FAM117B: variants seen among roughly 807,000 people sequenced by gnomAD.
The protein encoded by FAM117B is protein FAM117B.
In FAM117B, 22 loss-of-function variants were observed where a neutral mutation model predicts 52.8. That is an observed-to-expected ratio of 0.42 (90% CI 0.30 to 0.59). FAM117B has a LOEUF of 0.59. FAM117B is among the 20% of genes least tolerant of loss of function. The pLI is 0.22. For synonymous variants in FAM117B, 309 were observed against 324.1 expected, an observed-to-expected ratio of 0.95 and a Z score of 0.50; for missense variants, 678 against 802.6, an observed-to-expected ratio of 0.84 and a Z score of 1.88.
At chr2:202,676,978 T>TAGA (rs1257593334) in intron 1 of FAM117B, among the ~76,000 whole-genome samples, 1 of 152,078 alleles carries the variant, frequency 6.6e-6, no homozygotes, top group Non-Finnish European at 1.5e-5. Flanking sequence ...GCAGAAAGCT[T>TAGA]AGAAGCACCC....
intron 4 of FAM117B, among the ~76,000 whole-genome samples, chr2:202,743,215 C>T (rs1013519406): frequency 1.3e-5 from 2 of 152,218 alleles, no homozygotes; most frequent in African/African-American, 4.8e-5. Context: ...TTCCTGTACC[C>T]TGCAAAGCCT....
intron 7 of FAM117B, among the ~76,000 whole-genome samples, chr2:202,761,956 C>T (rs532116107): frequency 3.3e-4 from 50 of 151,834 alleles, no homozygotes; most frequent in African/African-American, 1.1e-3. Context: ...ATTTTAATCA[C>T]GTTCCAAAGA....
chr2:202,727,883 A>G (rs186799580), intron 4 of FAM117B, among the ~76,000 whole-genome samples: 4 of 152,348 alleles, frequency 2.6e-5, no homozygotes, highest in Admixed American at 2.0e-4. Flanking sequence ...ATTGTTTGCA[A>G]TGGAAAGTAT....
intron 1 of FAM117B, among the ~76,000 whole-genome samples, chr2:202,650,541 G>C (rs1191274864): frequency 1.5e-4 from 23 of 152,138 alleles, no homozygotes; most frequent in Admixed American, 1.5e-3. Context: ...GTTTATTAAG[G>C]AGTATTGACT....
intron 4 of FAM117B, among the ~76,000 whole-genome samples, chr2:202,755,238 T>C (rs1272278104): frequency 6.6e-6 from 1 of 152,220 alleles, no homozygotes; most frequent in South Asian, 2.1e-4. Context: ...CTGAGCTCTG[T>C]TACAGTCGTA....
At chr2:202,657,582 A>G (rs1489534257) in intron 1 of FAM117B, among the ~76,000 whole-genome samples, 1 of 151,932 alleles carries the variant, frequency 6.6e-6, no homozygotes, top group Non-Finnish European at 1.5e-5. Flanking sequence ...TTGACTTCCC[A>G]GGCTCAGGTG....
At chr2:202,715,644 G>T (rs1171131793) in intron 2 of FAM117B, among the ~76,000 whole-genome samples, 1 of 152,154 alleles carries the variant, frequency 6.6e-6, no homozygotes, top group Non-Finnish European at 1.5e-5. Context: ...ATGATGGGCG[G>T]CCAGGCAGAG....
chr2:202,699,430 A>C (rs1299537385), intron 2 of FAM117B, among the ~76,000 whole-genome samples: 32 of 132,250 alleles, frequency 2.4e-4, no homozygotes, highest in South Asian at 1.0e-3. Context: ...CCATCTCAAA[A>C]AAAAAAAAAA....
At chr2:202,755,808 A>G in intron 5 of FAM117B, 127 bp downstream of exon 5, 1 of 976,430 alleles carries the variant, frequency 1.0e-6, no homozygotes, top group Non-Finnish European at 1.5e-6. Context: ...ATCTCTTTTG[A>G]AAAATCTTTG....
In FAM117B at chr2:202,635,300, C is replaced by A; in HGVS notation, c.113C>A (p.Thr38Lys). Residue 38 changes from threonine (T) to lysine (K), a missense_variant, in exon 1 of 8, where the codon ACG becomes AAG. Physicochemically the swap from Thr to Lys is moderately conservative, Grantham distance 78. Transcript: ENST00000392238. ...AGCCGCTTGCAGCCCATGAGGGCGA[C>A]GGTTCCGTTCCAGCTGAAGCAGCAG... Reference protein sequence around the residue: ...PGSRLQPMRATVPFQLKQQQQ... With the variant: ...PGSRLQPMRAKVPFQLKQQQQ... 7.0e-7 allele frequency: 1 copy of A among 1,421,250 alleles called. No homozygotes were observed. The allele number at this position is 1,421,250 out of a possible 1,614,324, so 88.0% of individuals were successfully genotyped here. A position where few individuals can be genotyped will look rare whatever the true frequency, so the allele number is the denominator to read the frequency against.
chr2:202,755,205 A>T (rs1691783516), intron 4 of FAM117B, among the ~76,000 whole-genome samples: 1 of 152,096 alleles, frequency 6.6e-6, no homozygotes, highest in South Asian at 2.1e-4. Context: ...GCACTAGGAG[A>T]GTTTAAAGTT....
chr2:202,727,009 T>C (rs187277200), intron 4 of FAM117B, among the ~76,000 whole-genome samples: 1 of 152,314 alleles, frequency 6.6e-6, no homozygotes, highest in East Asian at 1.9e-4. Context: ...TCTGCTTTGA[T>C]TTTTTAGTAG....
chr2:202,708,859 C>G (rs980427325), intron 2 of FAM117B, among the ~76,000 whole-genome samples: 8 of 152,206 alleles, frequency 5.3e-5, no homozygotes, highest in Middle Eastern at 3.4e-3. Flanking sequence ...CCACCTCAGC[C>G]TCTCCTGCGT....
chr2:202,757,843 T>C (rs1205276665), intron 6 of FAM117B, among the ~76,000 whole-genome samples: 9 of 152,200 alleles, frequency 5.9e-5, no homozygotes, highest in Non-Finnish European at 1.3e-4. Flanking sequence ...TCTGTACTTG[T>C]GACATTTTAA....
chr2:202,726,368 G>T lies in FAM117B; in HGVS notation c.960+5G>T. The T allele has an allele frequency of 6.3e-7, 1 of 1,588,882 alleles. No homozygotes were observed. Among genetic ancestry groups the T allele is most frequent in the South Asian group, 1.1e-5 (1 of 89,162 alleles). On this transcript the variant is annotated splice_donor_5th_base_variant and intron_variant, in intron 4 of 7. Coordinates refer to ENST00000392238, the MANE Select transcript of FAM117B (RefSeq NM_173511.4). The stretch of plus-strand genomic sequence containing the variant: ...GCAGCTATTAACCAGTGTCAGGTAA[G>T]AGTACCAATACCACAAAATCCAGAA...
rs1235941854 is a variant in FAM117B, at chr2:202,740,173, CCAAAAAAAA to C, written c.960+13811_960+13819del. Among the ~76,000 whole-genome samples, 69 of 69,686 alleles carry C rather than the reference CCAAAAAAAA, an allele frequency of 9.9e-4. 4 individuals are homozygous for C. Among genetic ancestry groups the C allele is most frequent in the East Asian group, 4.5e-3 (11 of 2,420 alleles). 45.7% of individuals were successfully genotyped at this position (69,686 alleles called of 152,430 possible). ...GGAGGACAGAGCGAGACTTCATCCC[CCAAAAAAAA>C]AAAAAAAAAAAAAAAAAAAATCCCC... On this transcript the variant is annotated intron_variant, in intron 4 of 7. Coordinates refer to ENST00000392238, the MANE Select transcript of FAM117B (RefSeq NM_173511.4).
At chr2:202,723,692 T>A (rs1202767523) in intron 2 of FAM117B, among the ~76,000 whole-genome samples, 1 of 152,236 alleles carries the variant, frequency 6.6e-6, no homozygotes, top group Non-Finnish European at 1.5e-5. Flanking sequence ...TTACATTGTT[T>A]CAGTCTTACT....
chr2:202,635,639 C>A lies in FAM117B; in HGVS notation c.452C>A (p.Ser151Ter). 7.5e-7 allele frequency: 1 copy of A among 1,332,404 alleles called. No individual in the cohort carries two copies. The allele number at this position is 1,332,404 out of a possible 1,614,324, so 82.5% of individuals were successfully genotyped here. The change falls in exon 1 of 8, where the codon TCG becomes TAG. Residue 151 changes from serine (S) to a stop codon, truncating the protein, a stop_gained. Coordinates refer to ENST00000392238, the MANE Select transcript of FAM117B (RefSeq NM_173511.4). LOFTEE classifies it high-confidence loss of function. The part of the protein sequence containing the change: ...PPPPPLLGTV[S>*]SPSSSPTHLW... ...CCGCCGCCGCTGCTGGGCACCGTGTCGTCGCCCAGCTCGTCGCCCACCCAC... is the reference window on the plus strand; with the variant it reads ...CCGCCGCCGCTGCTGGGCACCGTGTAGTCGCCCAGCTCGTCGCCCACCCAC...
intron 2 of FAM117B, among the ~76,000 whole-genome samples, chr2:202,707,280 ACTCAAGCCATCCTC>A (rs1295905355): frequency 6.8e-6 from 1 of 147,334 alleles, no homozygotes; most frequent in African/African-American, 2.5e-5. Flanking sequence ...GAACTCCTGG[ACTCAAGCCATCCTC>A]CTCCCTCAGC....
Sources: gnomAD v4.1 joint callset for allele counts (sites outside exome capture counted in the v4.1 genomes callset) on GRCh38, gnomAD v4.1.1 for gene constraint, MANE v1.5 for transcripts, NCBI Gene and HGNC (gene_info 2026-07-23, HGNC 2026-07-21) for gene names.